The following ASTN2 variants were observed in gnomAD, a reference collection of about 807,000 sequenced individuals.
ASTN2 encodes the protein astrotactin 2.
ASTN2 carries 54 observed loss-of-function variants against 139.8 expected under a neutral mutation model. The ratio of observed to expected loss-of-function variants is 0.39; its 90% CI spans 0.31 to 0.48. ASTN2 has a LOEUF of 0.48. Among genes scored for constraint, ASTN2 ranks in the 20% least tolerant of loss-of-function variants. The probability of loss-of-function intolerance (pLI) is 0.95; values close to 1 mark genes in which losing one functional copy is unlikely to be tolerated. For missense variants in ASTN2, 1,565 were observed against 1,725.1 expected, an observed-to-expected ratio of 0.91 and a Z score of 1.64; for synonymous variants, 756 against 719.5, an observed-to-expected ratio of 1.05 and a Z score of -0.81.
chr9:117,378,518 G>A (rs780544947), intron 1 of ASTN2, among the ~76,000 whole-genome samples: 3 of 152,104 alleles, frequency 2.0e-5, no homozygotes, highest in Admixed American at 6.5e-5. Flanking sequence ...CCATTCTCAG[G>A]GAGACATTAC....
chr9:116,599,321 T>G (rs1174547261), intron 19 of ASTN2, among the ~76,000 whole-genome samples: 1 of 152,224 alleles, frequency 6.6e-6, no homozygotes, highest in Admixed American at 6.5e-5. Context: ...AAAAACATTA[T>G]GTAGCCACTG....
chr9:116,762,166 G>A lies in ASTN2; in HGVS notation c.2397-28643C>T, dbSNP rs1829688681. Among the ~76,000 whole-genome samples, 6 of 152,178 alleles carry A rather than the reference G, an allele frequency of 3.9e-5. No homozygotes were observed. In the South Asian group the frequency reaches 1.2e-3, roughly 32 times the overall value. On this transcript the variant is annotated intron_variant, in intron 13 of 22. Transcript: ENST00000313400. ...ATTAGTTATCAGTTATTTAATTATAGCTGTAATATTGGCTCTAATCATTAC... is the reference window on the plus strand; with the variant it reads ...ATTAGTTATCAGTTATTTAATTATAACTGTAATATTGGCTCTAATCATTAC...
chr9:117,193,474 CT>C (rs1831402555), intron 3 of ASTN2, among the ~76,000 whole-genome samples: 5 of 151,530 alleles, frequency 3.3e-5, no homozygotes, highest in South Asian at 4.2e-4. Context: ...CCTGTCTCTA[CT>C]AAAAATACAA....
chr9:117,273,896 G>A (rs1326901231), intron 2 of ASTN2, among the ~76,000 whole-genome samples: 1 of 152,188 alleles, frequency 6.6e-6, no homozygotes, highest in Admixed American at 6.5e-5. Flanking sequence ...AGATGTTGTT[G>A]CTATGTCACA....
intron 4 of ASTN2, among the ~76,000 whole-genome samples, chr9:117,136,090 C>T (rs767887391): frequency 4.6e-5 from 7 of 152,062 alleles, no homozygotes; most frequent in East Asian, 1.9e-4. Flanking sequence ...GTAATAATAC[C>T]GATAAAAATA....
Position 116,699,500 on chromosome 9 carries a change from T to G in ASTN2, c.2806+26271A>C. The G allele has an allele frequency of 6.2e-7, 1 of 1,614,126 alleles. No homozygotes were observed. Among genetic ancestry groups the G allele is most frequent in the Non-Finnish European group, 8.5e-7 (1 of 1,180,026 alleles). On this transcript the variant is annotated intron_variant, in intron 16 of 22. Transcript: ENST00000313400. This position sits in a 1 kb window ranked among gnomAD's most constrained non-coding sequence, Gnocchi z 4.2. Reference sequence around the variant, plus strand: ...TTGCTGGCATGTGTGTGGATGCTCGTGGTGATCTCATCGTGGCTGACAGTA... The same window carrying G: ...TTGCTGGCATGTGTGTGGATGCTCGGGGTGATCTCATCGTGGCTGACAGTA...
chr9:117,175,975 TA>T (rs1830906424), intron 3 of ASTN2, among the ~76,000 whole-genome samples: 1 of 152,000 alleles, frequency 6.6e-6, no homozygotes, highest in Non-Finnish European at 1.5e-5. Flanking sequence ...AAGGCCTACT[TA>T]TGTTTTTAAA....
intron 1 of ASTN2, among the ~76,000 whole-genome samples, chr9:117,358,259 CAG>C (rs1455061286): frequency 1.4e-5 from 1 of 71,972 alleles, no homozygotes; most frequent in Non-Finnish European, 2.7e-5. Flanking sequence ...CATACATGTG[CAG>C]ACACACACAC....
At chr9:116,444,124 C>T (rs1279030085) in intron 20 of ASTN2, among the ~76,000 whole-genome samples, 1 of 152,144 alleles carries the variant, frequency 6.6e-6, no homozygotes, top group African/African-American at 2.4e-5. Context: ...ATTTGTGAGG[C>T]TCAGAGAGGG....
intron 19 of ASTN2, among the ~76,000 whole-genome samples, chr9:116,499,706 C>T (rs1025566659): frequency 1.3e-5 from 2 of 152,054 alleles, no homozygotes; most frequent in African/African-American, 4.8e-5. Flanking sequence ...TGGAAGAAAG[C>T]CCATGGGGTG....
intron 22 of ASTN2, among the ~76,000 whole-genome samples, chr9:116,437,778 A>G (rs1286344784): frequency 6.6e-6 from 1 of 152,184 alleles, no homozygotes; most frequent in Admixed American, 6.5e-5. Context: ...GCCCTCTTTT[A>G]GGTTTTATCT....
chr9:116,829,554 T>A (rs4837926), intron 11 of ASTN2, among the ~76,000 whole-genome samples: 120,619 of 151,952 alleles, frequency 0.79, 48,061 homozygotes, highest in East Asian at 0.92. Flanking sequence ...AGGAAACTTA[T>A]AATCATGAAG....
chr9:116,716,356 G>C (rs1215334002), intron 16 of ASTN2, among the ~76,000 whole-genome samples: 1 of 152,146 alleles, frequency 6.6e-6, no homozygotes, highest in Non-Finnish European at 1.5e-5. Context: ...AAGTACATGG[G>C]AGGCTTTGGC....
At chr9:117,203,086 G>T (rs1321265867) in intron 3 of ASTN2, among the ~76,000 whole-genome samples, 1 of 151,644 alleles carries the variant, frequency 6.6e-6, no homozygotes, top group Non-Finnish European at 1.5e-5. Flanking sequence ...CAGTAAGGTT[G>T]TCATCAAACT....
intron 19 of ASTN2, chr9:116,585,820 A>G (rs555298176): frequency 1.3e-5 from 2 of 152,328 alleles, no homozygotes; most frequent in South Asian, 2.1e-4. Flanking sequence ...TGACAGTGGG[A>G]TCTAATTAAA....
chr9:117,050,719 C>T (rs113924233), intron 5 of ASTN2, among the ~76,000 whole-genome samples: 2,365 of 152,194 alleles, frequency 0.016, 67 homozygotes, highest in African/African-American at 0.054. Context: ...TGTATGGTGT[C>T]TAATGGTGGT....
chr9:117,099,696 G>T (rs180879570), intron 4 of ASTN2, among the ~76,000 whole-genome samples: 3 of 152,282 alleles, frequency 2.0e-5, no homozygotes, highest in Admixed American at 2.0e-4. Flanking sequence ...TAAATATTTT[G>T]TCCAGGGTCA....
chr9:116,612,124 A>G (rs569043637), intron 19 of ASTN2: 21 of 152,298 alleles, frequency 1.4e-4, no homozygotes, highest in African/African-American at 5.1e-4. Flanking sequence ...GAAACAAAAC[A>G]GAGCCTTTGC....
At chr9:116,949,012 A>C (rs12352805) in intron 10 of ASTN2, among the ~76,000 whole-genome samples, 26,263 of 151,466 alleles carry the variant, frequency 0.17, 2,362 homozygotes, top group South Asian at 0.21. Flanking sequence ...GCTGCTCTCG[A>C]ACTCTGGACC....
Sources: allele counts gnomAD v4.1 joint callset (sites outside exome capture counted in the v4.1 genomes callset), GRCh38; gene constraint gnomAD v4.1.1; non-coding constraint Gnocchi (gnomAD v3.1); transcripts MANE v1.5; gene names NCBI Gene and HGNC (gene_info 2026-07-23, HGNC 2026-07-21).